Variants in CDH13 observed in about 807,000 individuals in gnomAD.
The protein encoded by CDH13 is cadherin 13.
CDH13 carries 24 observed loss-of-function variants against 63.8 expected under a neutral mutation model. The observed-to-expected ratio is 0.38, with a 90% CI of 0.27 to 0.53. CDH13 has a LOEUF of 0.53. CDH13 is among the 20% of genes least tolerant of loss of function. CDH13 has a pLI of 0.85. For missense variants in CDH13, 1,049 were observed against 903.1 expected (o/e 1.16, Z -2.07); for synonymous variants, 503 against 355.3 (o/e 1.42, Z -4.67).
intron 6 of CDH13, among the ~76,000 whole-genome samples, chr16:83,415,328 C>G (rs954723664): frequency 6.6e-6 from 1 of 152,086 alleles, no homozygotes; most frequent in African/African-American, 2.4e-5. Context: ...AGATGTTTGG[C>G]CCACCAAACA....
At chr16:83,077,410 C>T (rs910765771) in intron 3 of CDH13, among the ~76,000 whole-genome samples, 2 of 151,738 alleles carry the variant, frequency 1.3e-5, no homozygotes, top group African/African-American at 4.8e-5. Flanking sequence ...CCAGGCTGGT[C>T]TCGAACTCCT....
At chr16:83,252,746 A>G (rs1046541571) in intron 5 of CDH13, among the ~76,000 whole-genome samples, 5 of 152,040 alleles carry the variant, frequency 3.3e-5, no homozygotes, top group Non-Finnish European at 5.9e-5. Flanking sequence ...CCTGACTTCT[A>G]ATGTGTAGGA....
intron 11 of CDH13, among the ~76,000 whole-genome samples, chr16:83,774,839 A>G (rs1048170124): frequency 6.6e-6 from 1 of 152,172 alleles, no homozygotes; most frequent in Non-Finnish European, 1.5e-5. Flanking sequence ...GCATGGTGAG[A>G]AAGTTCTGGA....
chr16:83,020,356 C>T (rs1443187713), intron 2 of CDH13, among the ~76,000 whole-genome samples: 2 of 152,130 alleles, frequency 1.3e-5, no homozygotes, highest in African/African-American at 4.8e-5. Flanking sequence ...TAATTATTAA[C>T]ATTCCTGGGA....
rs987994833 is a variant in CDH13, at chr16:83,058,913, A to G, written c.366+26695A>G. 4.7e-3 allele frequency among the ~76,000 whole-genome samples: 712 copies of G among 150,816 alleles called. 3 individuals carry two copies. Among genetic ancestry groups the G allele is most frequent in the African/African-American group, 0.017 (687 of 40,186 alleles). ...TTCTTGCTTTGCTTTGCTTTTTTTA[A>G]TCTTCTTAACTGGTGGAACCTCTTG... On this transcript the variant is annotated intron_variant, in intron 3 of 13. Transcript: ENST00000567109.
intron 13 of CDH13, among the ~76,000 whole-genome samples, chr16:83,786,744 T>C (rs1033639212): frequency 3.9e-5 from 6 of 151,974 alleles, no homozygotes; most frequent in East Asian, 1.9e-4. Flanking sequence ...TGCACCACCA[T>C]GCCCGGCTAA....
chr16:83,532,558 A>T (rs1454767162), intron 7 of CDH13, among the ~76,000 whole-genome samples: 1 of 152,228 alleles, frequency 6.6e-6, no homozygotes, highest in Non-Finnish European at 1.5e-5. Flanking sequence ...GCGCTAGTGC[A>T]TGGTAGCTTC....
intron 3 of CDH13, among the ~76,000 whole-genome samples, chr16:83,092,748 C>G (rs1214132188): frequency 6.6e-6 from 1 of 152,116 alleles, no homozygotes. Flanking sequence ...TATTATTACC[C>G]CAAAGAGTAG....
chr16:83,066,657 A>G (rs1177235275), intron 3 of CDH13, among the ~76,000 whole-genome samples: 1 of 152,278 alleles, frequency 6.6e-6, no homozygotes, highest in Non-Finnish European at 1.5e-5. Flanking sequence ...TTTAAAGAAC[A>G]GAATGATTAT....
At chr16:83,783,502 A>G in intron 13 of CDH13, 30 bp downstream of exon 13, 1 of 1,561,750 alleles carries the variant, frequency 6.4e-7, no homozygotes, top group Non-Finnish European at 8.8e-7. Context: ...GTGCATGCAC[A>G]AACAGGAAAT....
chr16:83,429,373 G>A (rs1330957271), intron 6 of CDH13, among the ~76,000 whole-genome samples: 1 of 152,124 alleles, frequency 6.6e-6, no homozygotes. Context: ...CCTCTCCTTT[G>A]ATGACCCATC....
intron 6 of CDH13, among the ~76,000 whole-genome samples, chr16:83,386,088 C>A (rs76460323): frequency 8.5e-5 from 13 of 152,202 alleles, no homozygotes; most frequent in Non-Finnish European, 1.8e-4. Context: ...ACAGTACCAA[C>A]CTCATAGGGT....
chr16:82,696,830 C>A (rs1475258067), intron 1 of CDH13, among the ~76,000 whole-genome samples: 1 of 152,204 alleles, frequency 6.6e-6, no homozygotes, highest in African/African-American at 2.4e-5. Flanking sequence ...TTTCACGATA[C>A]TGTTGTCAAG....
intron 7 of CDH13, among the ~76,000 whole-genome samples, chr16:83,562,290 T>G (rs2075723064): frequency 6.6e-6 from 1 of 152,112 alleles, no homozygotes; most frequent in South Asian, 2.1e-4. Context: ...AATAAGAACT[T>G]TTCATCTTCC....
intron 7 of CDH13, among the ~76,000 whole-genome samples, chr16:83,593,832 T>G (rs1382269975): frequency 1.3e-5 from 2 of 152,156 alleles, no homozygotes; most frequent in Non-Finnish European, 2.9e-5. Context: ...ATAGCCACGA[T>G]AGCCACTAAA....
intron 9 of CDH13, among the ~76,000 whole-genome samples, chr16:83,675,461 C>T (rs1411032542): frequency 6.6e-6 from 1 of 152,186 alleles, no homozygotes; most frequent in Non-Finnish European, 1.5e-5. Context: ...GCCAGCGTTC[C>T]GTTCAGGGAG....
At chr16:82,752,288 C>G (rs368779141) in intron 1 of CDH13, among the ~76,000 whole-genome samples, 1 of 152,200 alleles carries the variant, frequency 6.6e-6, no homozygotes. Context: ...CTGTTAACTT[C>G]TGTTCAAAGA....
intron 1 of CDH13, among the ~76,000 whole-genome samples, chr16:82,712,801 G>A (rs1438128580): frequency 6.6e-6 from 1 of 152,104 alleles, no homozygotes; most frequent in African/African-American, 2.4e-5. Flanking sequence ...TCTGCAGGCA[G>A]TCTTCTTGGG....
At chr16:82,634,430 C>T (rs936995518) in intron 1 of CDH13, among the ~76,000 whole-genome samples, 5 of 152,192 alleles carry the variant, frequency 3.3e-5, no homozygotes, top group Non-Finnish European at 5.9e-5. Context: ...ACACTGCCAG[C>T]GGAACCGAGG....
Sources: allele counts gnomAD v4.1 joint callset (sites outside exome capture counted in the v4.1 genomes callset), GRCh38; gene constraint gnomAD v4.1.1; transcripts MANE v1.5; gene names NCBI Gene and HGNC (gene_info 2026-07-23, HGNC 2026-07-21).